EIF4H: variants seen among roughly 807,000 people sequenced by gnomAD.
EIF4H encodes Williams-Beuren syndrome chromosome region 1.
In EIF4H, 8 loss-of-function variants were observed where a neutral mutation model predicts 30.6. That is an observed-to-expected ratio of 0.26 (90% CI 0.15 to 0.47). The LOEUF is 0.47. Among genes scored for constraint, EIF4H ranks in the 20% least tolerant of loss-of-function variants. EIF4H has a pLI of 0.99. For synonymous variants in EIF4H, 106 were observed against 122.7 expected (o/e 0.86, Z 0.90); for missense variants, 188 against 339.5 (o/e 0.55, Z 3.51).
In EIF4H at chr7:74,195,271, G is replaced by A. The variant is rs782543738; in HGVS notation, c.710G>A (p.Arg237Lys). 29 of 1,613,836 alleles carry A rather than the reference G, an allele frequency of 1.8e-5. No individual in the cohort carries two copies. The highest frequency in any genetic ancestry group is 2.5e-5 in the Non-Finnish European group (29 of 1,179,872). Residue 237 changes from arginine to lysine, a missense_variant, in exon 7 of 7, where the codon AGG becomes AAG. By Grantham distance (26) the Arg-to-Lys change is conservative. This residue lies in a region of EIF4H where 17 missense variants were observed against 66.4 expected (regional missense o/e 0.26). Coordinates refer to ENST00000265753, the MANE Select transcript of EIF4H (RefSeq NM_022170.2). ...AACTCTGCTATCTTCGGGGGTGCCA[G>A]GCCTAGAGAGGAAGTCGTTCAAAAG... ...NPNSAIFGGA[R>K]PREEVVQKEQ...
intron 1 of EIF4H, 33 bp downstream of exon 1, chr7:74,174,475 C>T: frequency 7.2e-7 from 1 of 1,382,284 alleles, no homozygotes; most frequent in Non-Finnish European, 9.5e-7. Context: ...CCGTCGGGGG[C>T]TGCGGGACCG....
At chr7:74,186,646 A>ATTG (rs1262455458) in intron 1 of EIF4H, among the ~76,000 whole-genome samples, 2 of 152,062 alleles carry the variant, frequency 1.3e-5, no homozygotes, top group African/African-American at 4.8e-5. Context: ...GTTGAAATGG[A>ATTG]TTGGTAATGC....
intron 5 of EIF4H, among the ~76,000 whole-genome samples, chr7:74,192,877 C>T (rs546343597): frequency 3.0e-4 from 45 of 151,684 alleles, no homozygotes; most frequent in Non-Finnish European, 5.7e-4. Flanking sequence ...GGGGTCTCTC[C>T]GTGTTGGTCA....
At chr7:74,193,877 G>A (rs781828056) in intron 5 of EIF4H, among the ~76,000 whole-genome samples, 1 of 152,150 alleles carries the variant, frequency 6.6e-6, no homozygotes. Context: ...AAAGTGCTGG[G>A]ATTACAGGCG....
rs782097649 is a variant in EIF4H at position 74,181,146 on chromosome 7, A to G, written c.60-6465A>G. On this transcript the variant is annotated intron_variant, in intron 1 of 6. Transcript: ENST00000265753. Reference sequence around the variant, plus strand: ...TTTTCATAATCCAAACAGAAACTCTATACCCACTAAACAACTCCATTCCTT... The same window carrying G: ...TTTTCATAATCCAAACAGAAACTCTGTACCCACTAAACAACTCCATTCCTT... 1.5e-4 allele frequency among the ~76,000 whole-genome samples: 23 copies of G among 152,210 alleles called. 1 individual carries two copies. Among genetic ancestry groups the G allele is most frequent in the South Asian group, 4.1e-4 (2 of 4,828 alleles).
At chr7:74,180,059 TG>T (rs1800924690) in intron 1 of EIF4H, among the ~76,000 whole-genome samples, 1 of 152,084 alleles carries the variant, frequency 6.6e-6, no homozygotes. Context: ...TTAGCTGGTG[TG>T]GTGGTATATG....
intron 2 of EIF4H, 73 bp from the exon 3 acceptor site, chr7:74,189,600 G>A (rs782682515): frequency 7.1e-6 from 11 of 1,553,370 alleles, no homozygotes; most frequent in Non-Finnish European, 9.7e-6. Context: ...TGGAGAAGTA[G>A]TATGAATAGG....
chr7:74,179,669 G>A lies in EIF4H; in HGVS notation c.59+5227G>A, dbSNP rs1035355260. Among the ~76,000 whole-genome samples the A allele has an allele frequency of 3.4e-5, 5 of 149,138 alleles. No homozygotes were observed. In the East Asian group the frequency reaches 5.9e-4, roughly 18 times the overall value. ...AAAAAGTCACTTTATCTTGTACTCC[G>A]ACTGGATCCTTTACCAGTGCATACA... On this transcript the variant is annotated intron_variant, in intron 1 of 6. Transcript: ENST00000265753.
rs532961555 is a variant in EIF4H, at chr7:74,190,546, G to A, written c.469+240G>A. Among the ~76,000 whole-genome samples, 39 of 152,298 alleles carry A rather than the reference G, an allele frequency of 2.6e-4. No homozygotes were observed. In the East Asian group the frequency reaches 7.3e-3, roughly 29 times the overall value. On this transcript the variant is annotated intron_variant, in intron 5 of 6. Coordinates refer to ENST00000265753, the MANE Select transcript of EIF4H (RefSeq NM_022170.2). ...AGCCTGCAGCTCCTTGGATGTGTAC[G>A]GGCCTGGGTCCTTGAGCTCGCTCAG...
At chr7:74,185,396 G>C (rs1801060185) in intron 1 of EIF4H, among the ~76,000 whole-genome samples, 1 of 152,150 alleles carries the variant, frequency 6.6e-6, no homozygotes, top group Non-Finnish European at 1.5e-5. Flanking sequence ...AGTACTATTG[G>C]CAAAGGTTAT....
intron 1 of EIF4H, among the ~76,000 whole-genome samples, chr7:74,177,096 A>G (rs989804296): frequency 6.6e-6 from 1 of 152,188 alleles, no homozygotes; most frequent in Non-Finnish European, 1.5e-5. Context: ...ATTCTTTATC[A>G]GGATTCAGTT....
At chr7:74,183,446 T>A (rs1801010740) in intron 1 of EIF4H, among the ~76,000 whole-genome samples, 1 of 152,196 alleles carries the variant, frequency 6.6e-6, no homozygotes, top group African/African-American at 2.4e-5. Context: ...GTTTTTATGG[T>A]CAGTTTTAAA....
intron 5 of EIF4H, among the ~76,000 whole-genome samples, chr7:74,190,605 C>T (rs1347030911): frequency 1.3e-5 from 2 of 152,198 alleles, no homozygotes; most frequent in Non-Finnish European, 2.9e-5. Context: ...AGGGAAACTC[C>T]TCTGTGGTTT....
intron 4 of EIF4H, 31 bp downstream of exon 4, chr7:74,189,949 A>G (rs1229833821): frequency 6.2e-7 from 1 of 1,610,592 alleles, no homozygotes; most frequent in Non-Finnish European, 8.5e-7. Context: ...TGAACATCAT[A>G]AAGATTTGCA....
At chr7:74,191,117 G>T in intron 5 of EIF4H, 1 of 526,222 alleles carries the variant, frequency 1.9e-6, no homozygotes. Flanking sequence ...GCTGTCTTGT[G>T]AGTCTGAGAT....
intron 1 of EIF4H, among the ~76,000 whole-genome samples, chr7:74,185,562 A>T (rs1801062890): frequency 6.6e-6 from 1 of 152,024 alleles, no homozygotes; most frequent in Non-Finnish European, 1.5e-5. Context: ...TATGAAACTT[A>T]AAAGCTTTTT....
At chr7:74,185,106 T>C (rs565198031) in intron 1 of EIF4H, among the ~76,000 whole-genome samples, 1 of 152,212 alleles carries the variant, frequency 6.6e-6, no homozygotes, top group East Asian at 1.9e-4. Context: ...TCCTCCCACC[T>C]CAGCCTCCCA....
chr7:74,186,099 C>T (rs1801074776), intron 1 of EIF4H, among the ~76,000 whole-genome samples: 1 of 152,158 alleles, frequency 6.6e-6, no homozygotes. Context: ...GCCCTTTATG[C>T]TGACCTGCTT....
intron 1 of EIF4H, among the ~76,000 whole-genome samples, chr7:74,178,039 C>A (rs1435490044): frequency 6.6e-6 from 1 of 152,126 alleles, no homozygotes; most frequent in African/African-American, 2.4e-5. Context: ...TTCCCAGGCT[C>A]AAGCCATCCT....
Sources: allele counts gnomAD v4.1 joint callset (sites outside exome capture counted in the v4.1 genomes callset), GRCh38; gene constraint gnomAD v4.1.1; regional missense constraint gnomAD v4.1.1; transcripts MANE v1.5; gene names NCBI Gene and HGNC (gene_info 2026-07-23, HGNC 2026-07-21).